SYT16: variants seen among roughly 807,000 people sequenced by gnomAD.
SYT16 encodes the protein synaptotagmin-16.
A neutral mutation model predicts 61.4 loss-of-function variants in SYT16; 42 were observed. The ratio of observed to expected loss-of-function variants is 0.68; its 90% CI spans 0.53 to 0.89. The LOEUF (loss-of-function observed/expected upper bound fraction) is 0.89. Ranked by LOEUF, SYT16 falls within the 40% of genes least tolerant of loss-of-function variation. The pLI, the probability that SYT16 is intolerant of heterozygous loss-of-function variation, is 0.00. For missense variants in SYT16, 804 were observed against 807.3 expected (o/e 1.00, Z 0.05); for synonymous variants, 314 against 302.3 (o/e 1.04, Z -0.40).
chr14:62,037,866 T>C (rs2054571445), intron 3 of SYT16, among the ~76,000 whole-genome samples: 1 of 152,140 alleles, frequency 6.6e-6, no homozygotes, highest in Admixed American at 6.5e-5. Context: ...CAGAGCCTTC[T>C]AGTGTCATAG....
rs1049083075 is a variant in SYT16 at position 62,102,782 on chromosome 14, C to T, written c.*2075C>T. 1.3e-5 allele frequency: 2 copies of T among 152,108 alleles called. No homozygotes were observed. The highest frequency in any genetic ancestry group is 2.4e-5 in the African/African-American group (1 of 41,416). The allele number at this position is 152,108 out of a possible 1,614,324, so 9.4% of individuals were successfully genotyped here. A position where few individuals can be genotyped will look rare whatever the true frequency, so the allele number is the denominator to read the frequency against. On this transcript the variant is annotated 3_prime_UTR_variant, in exon 8 of 8. Coordinates refer to ENST00000683842, the MANE Select transcript of SYT16 (RefSeq NM_001367656.1). ...CCTGAATTTTTCCCTCTCATATTTTCCTGCTGCTGCATCCTTGTTTCTTGG... is the reference window on the plus strand; with the variant it reads ...CCTGAATTTTTCCCTCTCATATTTTTCTGCTGCTGCATCCTTGTTTCTTGG...
intron 1 of SYT16, among the ~76,000 whole-genome samples, chr14:61,833,706 C>CTTTTTTTTTTTTTTT (rs11357318): frequency 2.1e-5 from 1 of 48,346 alleles, no homozygotes; most frequent in Non-Finnish European, 3.7e-5. Flanking sequence ...CCAGCAGTGG[C>CTTTTTTTTTTTTTTT]TTTTTTTTTT....
chr14:61,992,659 TTC>T (rs2052600033), intron 2 of SYT16, among the ~76,000 whole-genome samples: 1 of 152,078 alleles, frequency 6.6e-6, no homozygotes, highest in Non-Finnish European at 1.5e-5. Flanking sequence ...TTTTGAGCAC[TTC>T]TCCTCTTGTA....
chr14:61,825,910 G>T lies in SYT16; in HGVS notation c.-325+13100G>T, dbSNP rs1047188563. On this transcript the variant is annotated intron_variant, in intron 1 of 7. Coordinates refer to ENST00000683842, the MANE Select transcript of SYT16 (RefSeq NM_001367656.1). The stretch of plus-strand genomic sequence containing the variant: ...TTATAGTGTGGTGGACCAAATCAAT[G>T]AATTAACTTTTGCAGAGTGAAAATT... Among the ~76,000 whole-genome samples the T allele has an allele frequency of 1.7e-4, 26 of 152,192 alleles. 1 individual carries two copies. The highest frequency in any genetic ancestry group is 6.0e-4 in the African/African-American group (25 of 41,446).
At position 62,081,019 on chromosome 14, in the gene SYT16, G is replaced by T; in HGVS notation, c.1179G>T (p.Val393=). The T allele has an allele frequency of 6.2e-7, 1 of 1,613,410 alleles. No individual in the cohort carries two copies. The highest frequency in any genetic ancestry group is 8.5e-7 in the Non-Finnish European group (1 of 1,179,654). Residue 393 remains valine, a synonymous_variant, in exon 6 of 8, where the codon GTG becomes GTT. Coordinates refer to ENST00000683842, the MANE Select transcript of SYT16 (RefSeq NM_001367656.1). ...SGVNSWQVHV[V]LLPGKKHRGR... ...TCAACTCCTGGCAAGTTCATGTAGT[G>T]CTGCTGCCTGGTAAGAAACACAGGG... is the stretch of plus-strand genomic sequence containing the variant.
In SYT16 at chr14:62,017,631, C is replaced by T. The variant is rs145269923; in HGVS notation, c.523+21089C>T. On this transcript the variant is annotated intron_variant, in intron 3 of 7. Coordinates refer to ENST00000683842, the MANE Select transcript of SYT16 (RefSeq NM_001367656.1). ...GTAATCCATCAGCAACTCTGGTTGG[C>T]TCTACCATTACAATATATCTAAACT... Among the ~76,000 whole-genome samples the T allele has an allele frequency of 7.1e-3, 1,081 of 152,264 alleles. 1 individual carries two copies. The highest frequency in any genetic ancestry group is 0.011 in the Non-Finnish European group (741 of 68,022).
At chr14:61,825,506 C>A (rs1224331337) in intron 1 of SYT16, among the ~76,000 whole-genome samples, 2 of 152,114 alleles carry the variant, frequency 1.3e-5, no homozygotes, top group African/African-American at 4.8e-5. Context: ...CATAGCAAGA[C>A]CTCGTCTCTA....
At chr14:61,930,197 T>A (rs1288050315) in intron 1 of SYT16, among the ~76,000 whole-genome samples, 1 of 152,188 alleles carries the variant, frequency 6.6e-6, no homozygotes, top group Non-Finnish European at 1.5e-5. Flanking sequence ...GATCTGCTCC[T>A]ATCTCTCACT....
intron 1 of SYT16, among the ~76,000 whole-genome samples, chr14:61,969,930 G>A (rs1460186976): frequency 6.6e-6 from 1 of 152,182 alleles, no homozygotes; most frequent in Non-Finnish European, 1.5e-5. Context: ...CAGCATCACA[G>A]GATGTACTGG....
In SYT16 at chr14:61,821,402, T is replaced by C. The variant is rs866870854; in HGVS notation, c.-325+8592T>C. Among the ~76,000 whole-genome samples the C allele has an allele frequency of 2.6e-5, 4 of 152,328 alleles. No homozygotes were observed. In the East Asian group the frequency reaches 7.7e-4, roughly 29 times the overall value. ...AGCTAGTGGCTTAAAAAAACACTTATCTGTCATTCCACAGCTCTGTAGGTC... is the reference window on the plus strand; with the variant it reads ...AGCTAGTGGCTTAAAAAAACACTTACCTGTCATTCCACAGCTCTGTAGGTC... On this transcript the variant is annotated intron_variant, in intron 1 of 7. Coordinates refer to ENST00000683842, the MANE Select transcript of SYT16 (RefSeq NM_001367656.1).
intron 4 of SYT16, 22 bp from the exon 5 acceptor site, chr14:62,075,113 G>A (rs773198773): frequency 1.3e-6 from 2 of 1,583,104 alleles, no homozygotes; most frequent in Non-Finnish European, 1.7e-6. Context: ...CATTTGAAAT[G>A]GTTTTCTTAT....
At chr14:62,018,040 T>G (rs901760670) in intron 3 of SYT16, among the ~76,000 whole-genome samples, 4 of 152,106 alleles carry the variant, frequency 2.6e-5, no homozygotes, top group African/African-American at 9.7e-5. Flanking sequence ...TCCTGATTTC[T>G]CTGTATCCAT....
chr14:61,944,304 T>C (rs2050330598), intron 1 of SYT16, among the ~76,000 whole-genome samples: 3 of 152,162 alleles, frequency 2.0e-5, no homozygotes, highest in Admixed American at 2.0e-4. Flanking sequence ...AACGGCCATA[T>C]TGCCCAAAGT....
At chr14:62,011,870 T>TACAC (rs1351640578) in intron 3 of SYT16, among the ~76,000 whole-genome samples, 2,510 of 123,844 alleles carry the variant, frequency 0.02, 45 homozygotes, top group Middle Eastern at 0.066. Flanking sequence ...GGGAACACTA[T>TACAC]ATATACACAC....
At chr14:62,040,303 G>A (rs1187857301) in intron 3 of SYT16, among the ~76,000 whole-genome samples, 2 of 152,132 alleles carry the variant, frequency 1.3e-5, no homozygotes, top group South Asian at 4.1e-4. Context: ...TCAAGATATT[G>A]TTACTGAAAA....
intron 3 of SYT16, among the ~76,000 whole-genome samples, chr14:62,029,726 G>A (rs2054239732): frequency 6.6e-6 from 1 of 151,910 alleles, no homozygotes; most frequent in Non-Finnish European, 1.5e-5. Context: ...ATAGAATCCA[G>A]TCAATAGTTC....
chr14:62,098,975 A>G lies in SYT16; in HGVS notation c.1625-1419A>G, dbSNP rs142506943. Among the ~76,000 whole-genome samples, 96 of 152,286 alleles carry G rather than the reference A, an allele frequency of 6.3e-4. No homozygotes were observed. The East Asian group carries it at 0.013, about 21-fold the overall frequency. On this transcript the variant is annotated intron_variant, in intron 7 of 7. Coordinates refer to ENST00000683842, the MANE Select transcript of SYT16 (RefSeq NM_001367656.1). Reference sequence around the variant, plus strand: ...GTGGGGATGTCAGAGCATGGGGAACATGTACAGATGAGACAGGGAAAAAGA... The same window carrying G: ...GTGGGGATGTCAGAGCATGGGGAACGTGTACAGATGAGACAGGGAAAAAGA...
intron 1 of SYT16, among the ~76,000 whole-genome samples, chr14:61,843,141 T>G (rs2046348674): frequency 6.6e-6 from 1 of 151,880 alleles, no homozygotes; most frequent in African/African-American, 2.4e-5. Flanking sequence ...CATTTTTAGT[T>G]TTTTTTGGAA....
intron 1 of SYT16, among the ~76,000 whole-genome samples, chr14:61,930,214 A>AT (rs1189358039): frequency 1.2e-4 from 19 of 152,100 alleles, no homozygotes; most frequent in Admixed American, 1.2e-3. Context: ...CACTTCATCC[A>AT]TGAGTTTTAT....
Sources: gnomAD v4.1 joint callset for allele counts (sites outside exome capture counted in the v4.1 genomes callset) on GRCh38, gnomAD v4.1.1 for gene constraint, MANE v1.5 for transcripts, NCBI Gene and HGNC (gene_info 2026-07-23, HGNC 2026-07-21) for gene names.